PIK3R1: variants seen among roughly 807,000 people sequenced by gnomAD.
The protein encoded by PIK3R1 is phosphoinositide-3-kinase regulatory subunit 1.
In PIK3R1, 29 loss-of-function variants were observed where a neutral mutation model predicts 98.0. The observed-to-expected ratio is 0.30, with a 90% CI of 0.22 to 0.40. PIK3R1 has a LOEUF of 0.40. Among genes scored for constraint, PIK3R1 ranks in the 10% least tolerant of loss-of-function variants. The probability of loss-of-function intolerance (pLI) is 1.00; values close to 1 mark genes in which losing one functional copy is unlikely to be tolerated. For missense variants in PIK3R1, 596 were observed against 872.7 expected (o/e 0.68, Z 3.99); for synonymous variants, 282 against 311.8 (o/e 0.90, Z 1.01).
At chr5:68,232,247 A>G (rs180876745) in intron 2 of PIK3R1, among the ~76,000 whole-genome samples, 1 of 152,214 alleles carries the variant, frequency 6.6e-6, no homozygotes, top group African/African-American at 2.4e-5. Context: ...TTCTCAATAC[A>G]TTCTTGATTT....
chr5:68,246,550 C>T (rs13154156), intron 2 of PIK3R1, among the ~76,000 whole-genome samples: 1 of 152,052 alleles, frequency 6.6e-6, no homozygotes, highest in Non-Finnish European at 1.5e-5. Flanking sequence ...TGACCTCAAA[C>T]GGTCCATCCG....
At chr5:68,262,320 T>C (rs1040460570) in intron 2 of PIK3R1, among the ~76,000 whole-genome samples, 1 of 150,712 alleles carries the variant, frequency 6.6e-6, no homozygotes, top group Non-Finnish European at 1.5e-5. Flanking sequence ...ATATCACCTC[T>C]CTGTATCTGT....
intron 11 of PIK3R1, 144 bp downstream of exon 11, chr5:68,293,978 T>A: frequency 1.5e-6 from 1 of 670,378 alleles, no homozygotes; most frequent in Non-Finnish European, 2.5e-6. Flanking sequence ...TTGATTATTC[T>A]AGTGTAATAT....
chr5:68,279,778 A>T, intron 5 of PIK3R1, 45 bp downstream of exon 5: 12 of 1,588,636 alleles, frequency 7.6e-6, no homozygotes, highest in Non-Finnish European at 1.0e-5. Context: ...ATACATGGAG[A>T]TGTAGAGGTG....
At chr5:68,262,302 T>TTACTCAAATATCACC (rs1454241816) in intron 2 of PIK3R1, among the ~76,000 whole-genome samples, 6 of 151,176 alleles carry the variant, frequency 4.0e-5, no homozygotes, top group African/African-American at 1.5e-4. Context: ...AATTCACTCA[T>TTACTCAAATATCACC]TACTCAAATA....
intron 2 of PIK3R1, among the ~76,000 whole-genome samples, chr5:68,241,766 G>A (rs913101321): frequency 4.6e-5 from 7 of 152,216 alleles, no homozygotes; most frequent in African/African-American, 1.7e-4. Context: ...CTCAAGACGA[G>A]TTGCAGGAGG....
intron 2 of PIK3R1, among the ~76,000 whole-genome samples, chr5:68,246,067 G>T (rs1184262521): frequency 6.6e-6 from 1 of 152,180 alleles, no homozygotes; most frequent in Non-Finnish European, 1.5e-5. Flanking sequence ...TCTTGAGACA[G>T]TTTCCATTGC....
Position 68,299,680 on chromosome 5 carries a change from T to G in PIK3R1, c.*2079T>G, listed in dbSNP as rs973238401. ...CACAGCTATATTTCTGTTTAAGTACTAGGGTGAGGGTTTTCTGTTACTTTG... is the reference window on the plus strand; with the variant it reads ...CACAGCTATATTTCTGTTTAAGTACGAGGGTGAGGGTTTTCTGTTACTTTG... On this transcript the variant is annotated 3_prime_UTR_variant, in exon 16 of 16. Transcript: ENST00000521381. 4 of 233,138 alleles carry G rather than the reference T, an allele frequency of 1.7e-5. No homozygotes were observed. Among genetic ancestry groups the G allele is most frequent in the African/African-American group, 8.8e-5 (4 of 45,358 alleles). The allele number at this position is 233,138 out of a possible 1,614,324, so 14.4% of individuals were successfully genotyped here. A position where few individuals can be genotyped will look rare whatever the true frequency, so the allele number is the denominator to read the frequency against.
At chr5:68,281,871 G>A (rs1284130638) in intron 7 of PIK3R1, among the ~76,000 whole-genome samples, 1 of 152,186 alleles carries the variant, frequency 6.6e-6, no homozygotes, top group African/African-American at 2.4e-5. Context: ...GCAATGGAGA[G>A]TTAAGTTGTG....
In PIK3R1 at chr5:68,226,628, G is replaced by T; in HGVS notation, c.-48G>T. 1 of 1,456,768 alleles carries T rather than the reference G, an allele frequency of 6.9e-7. No homozygotes were observed. Among genetic ancestry groups the T allele is most frequent in the Non-Finnish European group, 9.6e-7 (1 of 1,046,284 alleles). 90.2% of individuals were successfully genotyped at this position (1,456,768 alleles called of 1,614,324 possible). On this transcript the variant is annotated 5_prime_UTR_variant, in exon 2 of 16. Coordinates refer to ENST00000521381, the MANE Select transcript of PIK3R1 (RefSeq NM_181523.3). The stretch of plus-strand genomic sequence containing the variant: ...TTTCATAAAAACGTAAAATCAGACT[G>T]CTCTGTACAACCAGGCTCAACTGTT...
intron 2 of PIK3R1, among the ~76,000 whole-genome samples, chr5:68,249,958 C>G (rs900874172): frequency 6.6e-6 from 1 of 152,210 alleles, no homozygotes; most frequent in African/African-American, 2.4e-5. Flanking sequence ...TGTGCTTACT[C>G]TATGCCAAGT....
intron 2 of PIK3R1, among the ~76,000 whole-genome samples, chr5:68,259,863 C>T (rs73771035): frequency 5.5e-4 from 83 of 152,272 alleles, no homozygotes; most frequent in African/African-American, 1.9e-3. Context: ...TGGAAGGGAG[C>T]TGCCTTTATG....
At chr5:68,274,711 A>G (rs1041109416) in intron 4 of PIK3R1, among the ~76,000 whole-genome samples, 1 of 152,230 alleles carries the variant, frequency 6.6e-6, no homozygotes, top group Non-Finnish European at 1.5e-5. Flanking sequence ...GTTAAATAAC[A>G]CTAATTAATT....
rs538858349 is a variant in PIK3R1, at chr5:68,258,253, A to G, written c.335-15137A>G. 1.2e-3 allele frequency among the ~76,000 whole-genome samples: 186 copies of G among 152,334 alleles called. 1 individual carries two copies. The highest frequency in any genetic ancestry group is 6.2e-3 in the South Asian group (30 of 4,828). ...GTTTGAAGCCCAGAATGCACTTTAT[A>G]TTATAACCAACACAGTTGAAAAATA... On this transcript the variant is annotated intron_variant, in intron 2 of 15. Transcript: ENST00000521381.
intron 2 of PIK3R1, among the ~76,000 whole-genome samples, chr5:68,237,859 C>A (rs1300886605): frequency 6.6e-6 from 1 of 152,154 alleles, no homozygotes; most frequent in East Asian, 1.9e-4. Flanking sequence ...CCATCTCTTC[C>A]CTAACTCTGT....
chr5:68,301,370 G>A lies in PIK3R1; in HGVS notation c.*3769G>A, dbSNP rs762356926. 1,313 of 27,108 alleles carry A rather than the reference G, an allele frequency of 0.048. 26 individuals carry two copies. Among genetic ancestry groups the A allele is most frequent in the Admixed American group, 0.059 (114 of 1,936 alleles). 1.7% of individuals were successfully genotyped at this position (27,108 alleles called of 1,614,324 possible). Reference sequence around the variant, plus strand: ...TATATATATATATATATATATATGTGTGTGTGTGTGTGTGTGTGTGTGTAT... The same window carrying A: ...TATATATATATATATATATATATGTATGTGTGTGTGTGTGTGTGTGTGTAT... On this transcript the variant is annotated 3_prime_UTR_variant, in exon 16 of 16. Transcript: ENST00000521381.
At chr5:68,274,461 T>C (rs2112169125) in intron 4 of PIK3R1, among the ~76,000 whole-genome samples, 1 of 152,338 alleles carries the variant, frequency 6.6e-6, no homozygotes, top group South Asian at 2.1e-4. Flanking sequence ...CCATTTTCCT[T>C]TTCCGTTTCC....
At chr5:68,266,178 T>G (rs1339313864) in intron 2 of PIK3R1, among the ~76,000 whole-genome samples, 1 of 152,230 alleles carries the variant, frequency 6.6e-6, no homozygotes, top group African/African-American at 2.4e-5. Context: ...CTCCTAATAC[T>G]AATCAGGGGA....
At chr5:68,245,435 C>T (rs192382602) in intron 2 of PIK3R1, among the ~76,000 whole-genome samples, 21 of 152,226 alleles carry the variant, frequency 1.4e-4, no homozygotes, top group South Asian at 6.2e-4. Context: ...CAGCATTGCA[C>T]TTTTGTTCTT....
Sources: allele counts gnomAD v4.1 joint callset (sites outside exome capture counted in the v4.1 genomes callset), GRCh38; gene constraint gnomAD v4.1.1; transcripts MANE v1.5; gene names NCBI Gene and HGNC (gene_info 2026-07-23, HGNC 2026-07-21).